The following MTHFD1L variants were observed in gnomAD, a reference collection of about 807,000 sequenced individuals.
MTHFD1L encodes the protein methylenetetrahydrofolate dehydrogenase (NADP+ dependent) 1 like.
Under a neutral mutation model 119.5 loss-of-function variants are expected in MTHFD1L, and 81 were observed. The observed-to-expected ratio is 0.68, with a 90% CI of 0.57 to 0.82. MTHFD1L has a LOEUF of 0.82. MTHFD1L is among the 40% of genes least tolerant of loss of function. The probability of loss-of-function intolerance (pLI) is 0.00; values close to 1 mark genes in which losing one functional copy is unlikely to be tolerated. For missense variants in MTHFD1L, 1,125 were observed against 1,253.4 expected, an observed-to-expected ratio of 0.90 and a Z score of 1.55; for synonymous variants, 430 against 475.2, an observed-to-expected ratio of 0.90 and a Z score of 1.24.
At position 150,926,855 on chromosome 6, in the gene MTHFD1L, G is replaced by C. The variant is rs1454994476; in HGVS notation, c.1256+560G>C. Among the ~76,000 whole-genome samples, 2 of 152,140 alleles carry C rather than the reference G, an allele frequency of 1.3e-5. No individual in the cohort carries two copies. Among genetic ancestry groups the C allele is most frequent in the Admixed American group, 1.3e-4 (2 of 15,280 alleles). On this transcript the variant is annotated intron_variant, in intron 11 of 27. Coordinates refer to ENST00000367321, the MANE Select transcript of MTHFD1L (RefSeq NM_015440.5). The surrounding 1 kb of genome is among the most constrained non-coding windows in gnomAD (Gnocchi z 4.3). ...AAATTCATAGTTTTTGTGAAAAGGA[G>C]TGTTTGCCTTTTTCCCCTTCTTTTT...
At chr6:150,939,304 A>G (rs911133780) in intron 13 of MTHFD1L, 7 of 152,390 alleles carry the variant, frequency 4.6e-5, no homozygotes, top group African/African-American at 1.7e-4. Context: ...ATGACACACA[A>G]ATTTGTGAAG....
At chr6:151,055,558 G>A (rs965682592) in intron 26 of MTHFD1L, among the ~76,000 whole-genome samples, 1 of 138,318 alleles carries the variant, frequency 7.2e-6, no homozygotes, top group African/African-American at 2.7e-5. Context: ...ATGGAGTTTT[G>A]CTCTTGTTGC....
chr6:150,996,099 C>T (rs1049995676), intron 20 of MTHFD1L, among the ~76,000 whole-genome samples: 3 of 152,200 alleles, frequency 2.0e-5, no homozygotes, highest in Non-Finnish European at 2.9e-5. Context: ...ATATGAACTG[C>T]GGGCCTCTTC....
chr6:150,905,891 CT>C, intron 8 of MTHFD1L, 130 bp downstream of exon 8: 1 of 705,972 alleles, frequency 1.4e-6, no homozygotes. Context: ...GGGTAGGAAA[CT>C]TAGACTGTGG....
At chr6:151,091,338 G>A (rs1448309043) in intron 26 of MTHFD1L, among the ~76,000 whole-genome samples, 1 of 151,476 alleles carries the variant, frequency 6.6e-6, no homozygotes, top group Admixed American at 6.6e-5. Flanking sequence ...TTAAAGCACA[G>A]TAGGAAATGC....
intron 24 of MTHFD1L, among the ~76,000 whole-genome samples, chr6:151,034,178 A>AG (rs1156503692): frequency 6.6e-6 from 1 of 151,750 alleles, no homozygotes; most frequent in Non-Finnish European, 1.5e-5. Flanking sequence ...AAAAAAAAAA[A>AG]GAAATTATAG....
Position 150,966,652 on chromosome 6 carries a change from A to G in MTHFD1L, c.2013+1615A>G, listed in dbSNP as rs545268825. Among the ~76,000 whole-genome samples, 70 of 152,280 alleles carry G rather than the reference A, an allele frequency of 4.6e-4. 1 individual carries two copies. The highest frequency in any genetic ancestry group is 1.2e-3 in the Admixed American group (19 of 15,298). ...CAGCCTGGCCAACATAGTGAATCCCATGTCTACTAAAAATACAAAATAAAT... is the reference window on the plus strand; with the variant it reads ...CAGCCTGGCCAACATAGTGAATCCCGTGTCTACTAAAAATACAAAATAAAT... On this transcript the variant is annotated intron_variant, in intron 19 of 27. Coordinates refer to ENST00000367321, the MANE Select transcript of MTHFD1L (RefSeq NM_015440.5).
intron 24 of MTHFD1L, chr6:151,022,154 G>T: frequency 2.3e-6 from 1 of 434,816 alleles, no homozygotes; most frequent in South Asian, 1.7e-5. Flanking sequence ...GATGGCCAGG[G>T]GTGTTTCCTC....
At chr6:151,041,314 A>G (rs1787071982) in intron 26 of MTHFD1L, among the ~76,000 whole-genome samples, 1 of 152,210 alleles carries the variant, frequency 6.6e-6, no homozygotes, top group Non-Finnish European at 1.5e-5. Context: ...GGGCCTTGCC[A>G]CAGTCTGCTG....
At chr6:151,000,543 A>G (rs193051970) in intron 20 of MTHFD1L, among the ~76,000 whole-genome samples, 2 of 152,326 alleles carry the variant, frequency 1.3e-5, no homozygotes, top group East Asian at 3.9e-4. Flanking sequence ...TTGACTTAAG[A>G]TGAGTTGGAT....
Position 150,922,187 on chromosome 6 carries a change from C to T in MTHFD1L, c.985-18C>T, listed in dbSNP as rs749046874. 2 of 1,596,324 alleles carry T rather than the reference C, an allele frequency of 1.3e-6. No homozygotes were observed. Among genetic ancestry groups the T allele is most frequent in the East Asian group, 2.2e-5 (1 of 44,766 alleles). ...CTTTTACCATTCTAACATGTTTTCC[C>T]CTCTATCCCTGCTGAAGAACATGGT... On this transcript the variant is annotated intron_variant, in intron 9 of 27. Coordinates refer to ENST00000367321, the MANE Select transcript of MTHFD1L (RefSeq NM_015440.5).
intron 16 of MTHFD1L, among the ~76,000 whole-genome samples, chr6:150,955,194 C>T (rs1314193746): frequency 6.6e-6 from 1 of 152,110 alleles, no homozygotes; most frequent in African/African-American, 2.4e-5. Flanking sequence ...CCTCTTCTGC[C>T]CCTGCCTATT....
At chr6:151,085,005 GTATATATTTATA>G (rs1410331658) in intron 26 of MTHFD1L, among the ~76,000 whole-genome samples, 3 of 128,766 alleles carry the variant, frequency 2.3e-5, no homozygotes, top group South Asian at 2.2e-4. Flanking sequence ...ATATATATAT[GTATATATTTATA>G]TATGTATATA....
At chr6:150,939,124 C>T (rs930774697) in intron 13 of MTHFD1L, 1 of 222,604 alleles carries the variant, frequency 4.5e-6, no homozygotes, top group African/African-American at 2.2e-5. Context: ...CCTTGCGGGT[C>T]TGGATGAGAG....
intron 7 of MTHFD1L, among the ~76,000 whole-genome samples, chr6:150,897,273 C>G (rs1247228688): frequency 6.6e-6 from 1 of 152,170 alleles, no homozygotes; most frequent in Non-Finnish European, 1.5e-5. Flanking sequence ...CATCTATCTC[C>G]AGTTTTCCCA....
At chr6:151,025,505 C>G (rs1784504118) in intron 24 of MTHFD1L, among the ~76,000 whole-genome samples, 1 of 152,172 alleles carries the variant, frequency 6.6e-6, no homozygotes. Flanking sequence ...ATTTGTAGAT[C>G]ATTTAAAATT....
intron 27 of MTHFD1L, chr6:151,100,047 T>C: frequency 1.5e-6 from 1 of 650,396 alleles, no homozygotes. Context: ...TTTTTTTTTT[T>C]TTTTGAGACG....
intron 26 of MTHFD1L, among the ~76,000 whole-genome samples, chr6:151,048,710 C>A (rs1267679082): frequency 1.3e-5 from 2 of 152,216 alleles, no homozygotes; most frequent in African/African-American, 4.8e-5. Flanking sequence ...AGTTACTGAC[C>A]AGCAAGACTA....
At chr6:151,052,759 C>T (rs775822573) in intron 26 of MTHFD1L, among the ~76,000 whole-genome samples, 42 of 152,174 alleles carry the variant, frequency 2.8e-4, no homozygotes, top group Non-Finnish European at 5.4e-4. Flanking sequence ...TACATGCCCA[C>T]CATGCAAGGG....
Sources: gnomAD v4.1 joint callset for allele counts (sites outside exome capture counted in the v4.1 genomes callset) on GRCh38, gnomAD v4.1.1 for gene constraint, Gnocchi (gnomAD v3.1) non-coding constraint, MANE v1.5 for transcripts, NCBI Gene and HGNC (gene_info 2026-07-23, HGNC 2026-07-21) for gene names.